Variants in LAMA1 observed in about 807,000 individuals in gnomAD.
LAMA1 encodes the protein laminin subunit alpha-1.
LAMA1 carries 219 observed loss-of-function variants against 348.7 expected under a neutral mutation model. That is an observed-to-expected ratio of 0.63 (90% confidence interval 0.56 to 0.70). The LOEUF is 0.70. Among genes scored for constraint, LAMA1 ranks in the 30% least tolerant of loss-of-function variants. The pLI is 0.00. For synonymous variants in LAMA1, 1,487 were observed against 1,491.0 expected (o/e 1.00, Z 0.06); for missense variants, 3,744 against 3,888.0 (o/e 0.96, Z 0.99).
rs181445758 is a variant in LAMA1 at position 7,103,318 on chromosome 18, T to G, written c.61+14342A>C. Among the ~76,000 whole-genome samples, 32 of 151,656 alleles carry G rather than the reference T, an allele frequency of 2.1e-4. No homozygotes were observed. In the East Asian group the frequency reaches 6.3e-3, roughly 30 times the overall value. On this transcript the variant is annotated intron_variant, in intron 1 of 62. Coordinates refer to ENST00000389658, the MANE Select transcript of LAMA1 (RefSeq NM_005559.4). ...TACTCGGGAGGCTGAGGCAGGAGAA[T>G]GGTGTGAACCCAGGAGGCGGAGCTT...
intron 1 of LAMA1, among the ~76,000 whole-genome samples, chr18:7,106,884 A>T (rs143079299): frequency 2.1e-4 from 32 of 152,114 alleles, no homozygotes; most frequent in Non-Finnish European, 4.6e-4. Context: ...TAAGGGAAAC[A>T]GCCACCACCC....
intron 30 of LAMA1, among the ~76,000 whole-genome samples, chr18:7,000,948 C>T (rs1331277383): frequency 6.6e-6 from 1 of 152,222 alleles, no homozygotes; most frequent in African/African-American, 2.4e-5. Flanking sequence ...CTGACAATCT[C>T]TTCCTGATAG....
At chr18:7,006,398 G>T (rs1430695256) in intron 29 of LAMA1, among the ~76,000 whole-genome samples, 1 of 141,748 alleles carries the variant, frequency 7.1e-6, no homozygotes, top group Non-Finnish European at 1.6e-5. Flanking sequence ...CAAGGAGAGG[G>T]CAATACTTTA....
In LAMA1 at chr18:7,117,779, C is replaced by G. The variant is rs1257689658; in HGVS notation, c.-59G>C. 6.7e-7 allele frequency: 1 copy of G among 1,497,936 alleles called. No individual in the cohort carries two copies. The highest frequency in any genetic ancestry group is 2.4e-5 in the East Asian group (1 of 41,598). The allele number at this position is 1,497,936 out of a possible 1,614,324, so 92.8% of individuals were successfully genotyped here. Reference sequence around the variant, plus strand: ...GAAAGCCGCGCGCCCGCCTGGAACGCTCCACGGGACGCGAGTCCGCGCTGC... The same window carrying G: ...GAAAGCCGCGCGCCCGCCTGGAACGGTCCACGGGACGCGAGTCCGCGCTGC... On this transcript the variant is annotated 5_prime_UTR_variant, in exon 1 of 63. Transcript: ENST00000389658.
rs2057888839 is a variant in LAMA1 at position 7,016,544 on chromosome 18, C to A, written c.2936G>T (p.Arg979Met). The change falls in exon 21 of 63, where the codon AGG (arginine) becomes ATG (methionine). Residue 979 changes from arginine to methionine, a missense_variant. Coordinates refer to ENST00000389658, the MANE Select transcript of LAMA1 (RefSeq NM_005559.4). Reference protein sequence around the residue: ...CHCVPGVAGKRCDRCAHGFYA... With the variant: ...CHCVPGVAGKMCDRCAHGFYA... Reference sequence around the variant, plus strand: ...GAAGCCATGGGCACACCTGTCACACCTTTTCCCTGCCACACCTGGGACACA... The same window carrying A: ...GAAGCCATGGGCACACCTGTCACACATTTTCCCTGCCACACCTGGGACACA... 6.2e-7 allele frequency: 1 copy of A among 1,614,056 alleles called. No individual in the cohort carries two copies. The highest frequency in any genetic ancestry group is 8.5e-7 in the Non-Finnish European group (1 of 1,180,042).
At chr18:7,089,182 CA>C (rs1342320125) in intron 1 of LAMA1, among the ~76,000 whole-genome samples, 2 of 151,934 alleles carry the variant, frequency 1.3e-5, no homozygotes, top group Non-Finnish European at 2.9e-5. Context: ...AGTTCGAGAC[CA>C]CCATCAGGAG....
chr18:7,103,895 C>T (rs994583687), intron 1 of LAMA1, among the ~76,000 whole-genome samples: 5 of 152,088 alleles, frequency 3.3e-5, no homozygotes, highest in South Asian at 2.1e-4. Flanking sequence ...CCCTCCCCAG[C>T]GGATCTTCGC....
intron 30 of LAMA1, 85 bp downstream of exon 30, chr18:7,002,179 A>G: frequency 6.5e-7 from 1 of 1,545,208 alleles, no homozygotes; most frequent in Admixed American, 1.8e-5. Context: ...TTAACAACAG[A>G]CCACTCAGAG....
chr18:7,055,940 C>T (rs1598299716), intron 3 of LAMA1, among the ~76,000 whole-genome samples: 2 of 152,006 alleles, frequency 1.3e-5, no homozygotes, highest in South Asian at 2.1e-4. Context: ...ATTAGCTGGG[C>T]GTGGTGGCGG....
intron 1 of LAMA1, among the ~76,000 whole-genome samples, chr18:7,103,330 A>G (rs549291285): frequency 1.0e-3 from 159 of 151,978 alleles, no homozygotes; most frequent in African/African-American, 3.7e-3. Context: ...GTGTGAACCC[A>G]GGAGGCGGAG....
At chr18:7,104,132 C>T (rs1369000908) in intron 1 of LAMA1, among the ~76,000 whole-genome samples, 1 of 151,704 alleles carries the variant, frequency 6.6e-6, no homozygotes, top group Non-Finnish European at 1.5e-5. Flanking sequence ...GCGACCGCCA[C>T]CACGCTTGGC....
At position 6,964,754 on chromosome 18, in the gene LAMA1, C is replaced by T. The variant is rs150049939; in HGVS notation, c.7245G>A (p.Lys2415=). Residue 2415 remains lysine, a synonymous_variant, in exon 51 of 63, where the codon AAG becomes AAA. Transcript: ENST00000389658. The part of the protein sequence containing the change: ...DAYNTSNKET[K]QGETPGASSD... The stretch of plus-strand genomic sequence containing the variant: ...AAGATGCTCCCGGAGTCTCGCCCTG[C>T]TTGGTTTCTTTATTACTGGTGTTAT... The T allele has an allele frequency of 1.2e-4, 190 of 1,614,042 alleles. No homozygotes were observed. In the African/African-American group the frequency reaches 2.3e-3, roughly 20 times the overall value.
chr18:7,103,393 A>C (rs1262478804), intron 1 of LAMA1, among the ~76,000 whole-genome samples: 2 of 151,984 alleles, frequency 1.3e-5, no homozygotes, highest in Non-Finnish European at 2.9e-5. Context: ...TGACAGAGCG[A>C]GACTCCATCT....
At chr18:7,037,839 GA>G in intron 11 of LAMA1, 88 bp from the exon 12 acceptor site, 1 of 1,350,144 alleles carries the variant, frequency 7.4e-7, no homozygotes, top group South Asian at 1.2e-5. Context: ...TCACAATGAA[GA>G]AATGGGCCAG....
rs768362524 is a variant in LAMA1 at position 6,986,346 on chromosome 18, C to G, written c.5170G>C (p.Ala1724Pro). ...LHQNATLELK[A>P]AEDLLSQIQE... Reference sequence around the variant, plus strand: ...ATTTGTGACAATAAATCTTCAGCAGCCCTGATAAATATGAATGGTTCACAT... The same window carrying G: ...ATTTGTGACAATAAATCTTCAGCAGGCCTGATAAATATGAATGGTTCACAT... The change falls in exon 37 of 63, where the codon GCT becomes CCT. Residue 1724 changes from alanine to proline, a missense_variant and splice_region_variant. By Grantham distance (27) the Ala-to-Pro change is conservative. This residue lies in a region of LAMA1 where 1,983 missense variants were observed against 1,934.3 expected (regional missense o/e 1.03). Coordinates refer to ENST00000389658, the MANE Select transcript of LAMA1 (RefSeq NM_005559.4). 6.2e-7 allele frequency: 1 copy of G among 1,613,616 alleles called. No individual in the cohort carries two copies. Among genetic ancestry groups the G allele is most frequent in the African/African-American group, 1.3e-5 (1 of 74,874 alleles).
At position 7,043,320 on chromosome 18, in the gene LAMA1, C is replaced by T. The variant is rs750998688; in HGVS notation, c.1062G>A (p.Gln354=). Residue 354 remains glutamine (Q), a synonymous_variant, in exon 8 of 63, where the codon CAG becomes CAA. Transcript: ENST00000389658. The stretch of plus-strand genomic sequence containing the variant: ...TTATGCAAACCCCTCCTCCTCTGAA[C>T]TGTCCAGCAGTATTCAAACTTTTCT... ...KQKKSLNTAG[Q]FRGGGVCINC... 3 of 1,614,152 alleles carry T rather than the reference C, an allele frequency of 1.9e-6. No homozygotes were observed. The highest frequency in any genetic ancestry group is 2.5e-6 in the Non-Finnish European group (3 of 1,180,008).
chr18:6,985,270 G>A lies in LAMA1; in HGVS notation c.5627C>T (p.Ala1876Val), dbSNP rs779426065. ...DLVYRAEDHA[A>V]EFQRLADVLY... Reference sequence around the variant, plus strand: ...AACATCTGCTAGTCTCTGGAACTCAGCGGCATGGTCCTCAGCTCTGTAGAC... The same window carrying A: ...AACATCTGCTAGTCTCTGGAACTCAACGGCATGGTCCTCAGCTCTGTAGAC... The change falls in exon 39 of 63, where the codon GCT (alanine) becomes GTT (valine). Residue 1876 changes from alanine to valine, a missense_variant. Transcript: ENST00000389658. 1 of 1,614,158 alleles carries A rather than the reference G, an allele frequency of 6.2e-7. No homozygotes were observed. Among genetic ancestry groups the A allele is most frequent in the Admixed American group, 1.7e-5 (1 of 60,024 alleles).
rs1568043236 is a variant in LAMA1, at chr18:7,042,216, CA to C, written c.1189del (p.Cys397ValfsTer96). 4 of 1,612,060 alleles carry C rather than the reference CA, an allele frequency of 2.5e-6. No individual in the cohort carries two copies. Among genetic ancestry groups the C allele is most frequent in the Non-Finnish European group, 3.4e-6 (4 of 1,178,848 alleles). ...GAGGGACCCCACAGGGTCACAATTA[CA>C]GGGGCGGCAAGGCTCATCCTCATAA... ...SPYEDEPCRPCNCDPVGSLSS... is the reference protein window; with the variant it reads ...SPYEDEPCRPXNCDPVGSLSS... On this transcript the variant is annotated frameshift_variant, in exon 9 of 63. Transcript: ENST00000389658. LOFTEE classifies it high-confidence loss of function.
intron 5 of LAMA1, among the ~76,000 whole-genome samples, chr18:7,048,072 T>G (rs2144196653): frequency 6.6e-6 from 1 of 152,224 alleles, no homozygotes; most frequent in Non-Finnish European, 1.5e-5. Flanking sequence ...CACAGGAAGG[T>G]GAATAAGCAA....
Sources: gnomAD v4.1 joint callset for allele counts (sites outside exome capture counted in the v4.1 genomes callset) on GRCh38, gnomAD v4.1.1 for gene constraint, gnomAD v4.1.1 regional missense constraint, MANE v1.5 for transcripts, NCBI Gene and HGNC (gene_info 2026-07-23, HGNC 2026-07-21) for gene names.